MYT1L: variants seen among roughly 807,000 people sequenced by gnomAD.
MYT1L encodes the protein myelin transcription factor 1 like.
A neutral mutation model predicts 126.7 loss-of-function variants in MYT1L; 12 were observed. That is an observed-to-expected ratio of 0.09 (90% CI 0.06 to 0.15). MYT1L has a LOEUF of 0.15. Among genes scored for constraint, MYT1L ranks in the 10% least tolerant of loss-of-function variants. MYT1L has a pLI of 1.00. For synonymous variants in MYT1L, 541 were observed against 604.2 expected (o/e 0.90, Z 1.53); for missense variants, 979 against 1,585.2 (o/e 0.62, Z 6.49).
intron 4 of MYT1L, among the ~76,000 whole-genome samples, chr2:2,044,511 A>G (rs1226397292): frequency 6.6e-6 from 1 of 152,244 alleles, no homozygotes; most frequent in Non-Finnish European, 1.5e-5. Flanking sequence ...GAACCACAGC[A>G]CAAAACTCTG....
At chr2:2,248,910 G>T (rs2094584082) in intron 2 of MYT1L, among the ~76,000 whole-genome samples, 1 of 152,102 alleles carries the variant, frequency 6.6e-6, no homozygotes, top group South Asian at 2.1e-4. Context: ...CTCACAGCTA[G>T]TATCATACTG....
chr2:2,262,931 T>TATATATATATATATATATATATATATAA (rs970472033), intron 2 of MYT1L, among the ~76,000 whole-genome samples: 10 of 43,644 alleles, frequency 2.3e-4, no homozygotes, highest in African/African-American at 9.2e-4. Flanking sequence ...TATATATATA[T>TATATATATATATATATATATATATATAA]AACCTGTGAT....
intron 9 of MYT1L, among the ~76,000 whole-genome samples, chr2:1,923,732 A>G (rs1207287945): frequency 2.6e-5 from 4 of 152,164 alleles, no homozygotes; most frequent in Non-Finnish European, 5.9e-5. Flanking sequence ...TAAATGGTCT[A>G]TTTTCACAGT....
chr2:2,271,503 GAACA>G (rs2095262819), intron 2 of MYT1L, among the ~76,000 whole-genome samples: 1 of 152,168 alleles, frequency 6.6e-6, no homozygotes, highest in African/African-American at 2.4e-5. Flanking sequence ...CTCCTAGAGG[GAACA>G]AACAGAGCCT....
In MYT1L at chr2:2,224,118, C is replaced by G. The variant is rs544927691; in HGVS notation, c.-420-51130G>C. 9.8e-5 allele frequency among the ~76,000 whole-genome samples: 15 copies of G among 152,300 alleles called. No homozygotes were observed. Among genetic ancestry groups the G allele is most frequent in the African/African-American group, 3.4e-4 (14 of 41,582 alleles). On this transcript the variant is annotated intron_variant, in intron 2 of 24. Transcript: ENST00000647738. The surrounding 1 kb of genome is among the most constrained non-coding windows in gnomAD (Gnocchi z 4.0). ...TTGGTGGGGAGTTATCTAAGGAGGA[C>G]AAGCCTGTCTGAGGGCATAACCCCA...
chr2:2,262,754 G>C (rs1401346194), intron 2 of MYT1L, among the ~76,000 whole-genome samples: 1 of 150,598 alleles, frequency 6.6e-6, no homozygotes, highest in Non-Finnish European at 1.5e-5. Flanking sequence ...TTTGCAGCTG[G>C]TTGGAGCTTT....
intron 2 of MYT1L, among the ~76,000 whole-genome samples, chr2:2,196,554 T>C (rs1435042827): frequency 6.6e-6 from 1 of 151,380 alleles, no homozygotes; most frequent in Non-Finnish European, 1.5e-5. Flanking sequence ...ATGTGGTTTA[T>C]ATTATATAAC....
chr2:2,267,947 T>C (rs1184399297), intron 2 of MYT1L, among the ~76,000 whole-genome samples: 1 of 152,130 alleles, frequency 6.6e-6, no homozygotes, highest in African/African-American at 2.4e-5. Flanking sequence ...AGGTCACGCA[T>C]CCAATACCCG....
chr2:2,267,515 C>G (rs1572983623), intron 2 of MYT1L, among the ~76,000 whole-genome samples: 1 of 151,980 alleles, frequency 6.6e-6, no homozygotes, highest in African/African-American at 2.4e-5. Context: ...GGGGATGAAA[C>G]CTAATAAAGG....
intron 2 of MYT1L, among the ~76,000 whole-genome samples, chr2:2,238,166 G>C (rs539141219): frequency 5.3e-5 from 8 of 152,210 alleles, no homozygotes; most frequent in Admixed American, 5.2e-4. Context: ...GGGGTGGTGG[G>C]GCATCTGAAT....
At chr2:2,109,984 A>C (rs2150566254) in intron 3 of MYT1L, among the ~76,000 whole-genome samples, 1 of 148,506 alleles carries the variant, frequency 6.7e-6, no homozygotes, top group East Asian at 2.0e-4. Flanking sequence ...TAACAGTTCT[A>C]TATCCATGGA....
chr2:1,941,992 A>C (rs2056706585), intron 9 of MYT1L, among the ~76,000 whole-genome samples: 1 of 152,206 alleles, frequency 6.6e-6, no homozygotes, highest in African/African-American at 2.4e-5. Context: ...CCACTGGCTG[A>C]AACAACTACC....
At chr2:2,186,047 GCCGGGC>G (rs2092131946) in intron 2 of MYT1L, among the ~76,000 whole-genome samples, 2 of 130,568 alleles carry the variant, frequency 1.5e-5, no homozygotes, top group Admixed American at 1.5e-4. Context: ...GGCGGACGCA[GCCGGGC>G]CTCCCAGACG....
intron 1 of MYT1L, among the ~76,000 whole-genome samples, chr2:2,290,984 C>T (rs372886917): frequency 3.1e-4 from 47 of 151,936 alleles, no homozygotes; most frequent in African/African-American, 1.1e-3. Context: ...AAAGATAAAA[C>T]ATTGACAACA....
intron 3 of MYT1L, among the ~76,000 whole-genome samples, chr2:2,169,780 G>A (rs980722895): frequency 3.3e-5 from 5 of 152,134 alleles, no homozygotes; most frequent in Admixed American, 2.6e-4. Context: ...CTGCTGACCG[G>A]CATCCCTCAC....
intron 2 of MYT1L, among the ~76,000 whole-genome samples, chr2:2,211,057 T>C (rs1033598856): frequency 6.6e-6 from 1 of 152,230 alleles, no homozygotes; most frequent in Admixed American, 6.5e-5. Context: ...GAAATGCTAC[T>C]GATTTGTATT....
intron 3 of MYT1L, among the ~76,000 whole-genome samples, chr2:2,145,146 A>G (rs559500503): frequency 6.6e-6 from 1 of 152,294 alleles, no homozygotes; most frequent in East Asian, 1.9e-4. Flanking sequence ...CGCCTTAGGA[A>G]GCTCCTGGCA....
intron 2 of MYT1L, among the ~76,000 whole-genome samples, chr2:2,177,868 A>G (rs967395031): frequency 3.9e-5 from 6 of 152,168 alleles, no homozygotes; most frequent in Admixed American, 3.9e-4. Flanking sequence ...GCCTAATCAT[A>G]TAATAGGGGC....
intron 4 of MYT1L, among the ~76,000 whole-genome samples, chr2:2,026,902 C>G (rs1301717565): frequency 1.3e-5 from 2 of 152,162 alleles, no homozygotes; most frequent in Non-Finnish European, 2.9e-5. Flanking sequence ...TGGGGTTATC[C>G]TGGGGCCACG....
Sources: allele counts gnomAD v4.1 joint callset (sites outside exome capture counted in the v4.1 genomes callset), GRCh38; gene constraint gnomAD v4.1.1; non-coding constraint Gnocchi (gnomAD v3.1); transcripts MANE v1.5; gene names NCBI Gene and HGNC (gene_info 2026-07-23, HGNC 2026-07-21).